Variants in NEGR1 observed in about 807,000 individuals in gnomAD.
The protein encoded by NEGR1 is neuronal growth regulator 1.
A neutral mutation model predicts 40.9 loss-of-function variants in NEGR1; 10 were observed. The ratio of observed to expected loss-of-function variants is 0.24; its 90% CI spans 0.15 to 0.42. The LOEUF is 0.42. Ranked by LOEUF, NEGR1 falls within the 10% of genes least tolerant of loss-of-function variation. The pLI, the probability that NEGR1 is intolerant of heterozygous loss-of-function variation, is 1.00. For synonymous variants in NEGR1, 185 were observed against 166.8 expected (o/e 1.11, Z -0.84); for missense variants, 352 against 438.9 (o/e 0.80, Z 1.77).
At chr1:71,850,763 A>G (rs1659574951) in intron 2 of NEGR1, among the ~76,000 whole-genome samples, 1 of 152,162 alleles carries the variant, frequency 6.6e-6, no homozygotes, top group Non-Finnish European at 1.5e-5. Context: ...GCAATAATGT[A>G]TCTAGGGAAT....
intron 6 of NEGR1, among the ~76,000 whole-genome samples, chr1:71,556,021 C>T (rs1297831667): frequency 4.0e-5 from 6 of 151,314 alleles, no homozygotes; most frequent in Admixed American, 6.6e-5. Context: ...ATACTTGCCA[C>T]TACTAGATCA....
intron 1 of NEGR1, among the ~76,000 whole-genome samples, chr1:72,249,267 T>G (rs1202686948): frequency 5.3e-5 from 8 of 152,204 alleles, no homozygotes; most frequent in Admixed American, 5.2e-4. Flanking sequence ...GCTGGAACCT[T>G]GATAGTGAAC....
intron 3 of NEGR1, among the ~76,000 whole-genome samples, chr1:71,708,913 A>G (rs1304832891): frequency 6.6e-6 from 1 of 152,186 alleles, no homozygotes; most frequent in East Asian, 1.9e-4. Context: ...CCTGCAAAGG[A>G]CAAGATCTTA....
intron 5 of NEGR1, among the ~76,000 whole-genome samples, chr1:71,604,292 G>C (rs1323745571): frequency 6.6e-6 from 1 of 152,008 alleles, no homozygotes; most frequent in Non-Finnish European, 1.5e-5. Flanking sequence ...ATCATAATCT[G>C]CTATGCAAAT....
intron 1 of NEGR1, chr1:72,274,899 C>A (rs1043359795): frequency 3.8e-6 from 6 of 1,593,426 alleles, no homozygotes; most frequent in Non-Finnish European, 5.2e-6. Context: ...TTCCACAGAA[C>A]CAAGTCAATC....
intron 6 of NEGR1, among the ~76,000 whole-genome samples, chr1:71,446,684 T>A (rs573546166): frequency 1.9e-4 from 29 of 152,316 alleles, no homozygotes; most frequent in Non-Finnish European, 3.5e-4. Flanking sequence ...CATTCTTCTT[T>A]CCGATGTACA....
chr1:71,566,273 C>G (rs759135943), intron 6 of NEGR1, among the ~76,000 whole-genome samples: 24 of 152,024 alleles, frequency 1.6e-4, no homozygotes, highest in Non-Finnish European at 2.9e-4. Flanking sequence ...TTAAAAGTAT[C>G]CTAATTTTTA....
chr1:71,664,406 C>T (rs1469873664), intron 4 of NEGR1, among the ~76,000 whole-genome samples: 2 of 152,144 alleles, frequency 1.3e-5, no homozygotes, highest in Non-Finnish European at 2.9e-5. Context: ...TTATTTTCCA[C>T]TTCAATCTAA....
chr1:72,122,864 G>A (rs144792730), intron 1 of NEGR1, among the ~76,000 whole-genome samples: 6 of 151,314 alleles, frequency 4.0e-5, no homozygotes, highest in African/African-American at 9.7e-5. Context: ...GTTAGATCAC[G>A]ATTAAACTGG....
chr1:71,824,981 G>A (rs992726290), intron 2 of NEGR1, among the ~76,000 whole-genome samples: 3 of 151,768 alleles, frequency 2.0e-5, no homozygotes, highest in African/African-American at 7.3e-5. Context: ...ACAAGTTTTT[G>A]TGGATATGTT....
At chr1:71,528,604 C>T (rs1289180887) in intron 6 of NEGR1, among the ~76,000 whole-genome samples, 5 of 151,174 alleles carry the variant, frequency 3.3e-5, no homozygotes, top group African/African-American at 1.2e-4. Context: ...AGCATTTATT[C>T]AATTTAAAGT....
At chr1:72,147,113 G>C (rs532393012) in intron 1 of NEGR1, among the ~76,000 whole-genome samples, 1 of 152,000 alleles carries the variant, frequency 6.6e-6, no homozygotes, top group Non-Finnish European at 1.5e-5. Flanking sequence ...TGTATGTATC[G>C]GGCATAAGTC....
intron 4 of NEGR1, among the ~76,000 whole-genome samples, chr1:71,659,659 G>T (rs1651991515): frequency 6.6e-6 from 1 of 152,082 alleles, no homozygotes; most frequent in Admixed American, 6.6e-5. Flanking sequence ...CTAAAAGGTG[G>T]GCAAAGGATA....
chr1:72,026,140 A>C (rs1035518502), intron 1 of NEGR1, among the ~76,000 whole-genome samples: 3 of 144,110 alleles, frequency 2.1e-5, no homozygotes, highest in Non-Finnish European at 4.5e-5. Context: ...AAAAAAAAAA[A>C]AAATGACATA....
At chr1:72,159,781 C>T (rs1236756481) in intron 1 of NEGR1, among the ~76,000 whole-genome samples, 1 of 151,944 alleles carries the variant, frequency 6.6e-6, no homozygotes, top group Non-Finnish European at 1.5e-5. Context: ...AAAAAGATAT[C>T]GATGATAAAT....
At chr1:71,494,100 G>A (rs1305895071) in intron 6 of NEGR1, among the ~76,000 whole-genome samples, 1 of 152,134 alleles carries the variant, frequency 6.6e-6, no homozygotes, top group African/African-American at 2.4e-5. Context: ...GCTACTGGGA[G>A]GTGACCTCTA....
At chr1:72,156,420 G>A (rs1651358974) in intron 1 of NEGR1, among the ~76,000 whole-genome samples, 1 of 152,134 alleles carries the variant, frequency 6.6e-6, no homozygotes, top group African/African-American at 2.4e-5. Flanking sequence ...TTTGAAAGCA[G>A]TAGAAAGAAT....
chr1:71,594,812 C>T (rs1649636762), intron 5 of NEGR1, among the ~76,000 whole-genome samples: 1 of 152,182 alleles, frequency 6.6e-6, no homozygotes, highest in Admixed American at 6.5e-5. Flanking sequence ...TTGCAAGTTT[C>T]AGCACTATAA....
chr1:71,706,352 T>C (rs1163361869), intron 3 of NEGR1, among the ~76,000 whole-genome samples: 1 of 152,030 alleles, frequency 6.6e-6, no homozygotes, highest in African/African-American at 2.4e-5. Context: ...GCAGACCCCA[T>C]GACTAAGGGC....
Sources: gnomAD v4.1 joint callset for allele counts (sites outside exome capture counted in the v4.1 genomes callset) on GRCh38, gnomAD v4.1.1 for gene constraint, MANE v1.5 for transcripts, NCBI Gene and HGNC (gene_info 2026-07-23, HGNC 2026-07-21) for gene names.